The following IMMP2L variants were observed in gnomAD, a reference collection of about 807,000 sequenced individuals.
IMMP2L encodes mitochondrial inner membrane protease subunit 2.
A neutral mutation model predicts 19.3 loss-of-function variants in IMMP2L; 18 were observed. That is an observed-to-expected ratio of 0.93 (90% CI 0.64 to 1.38). The LOEUF is 1.38. Ranked by LOEUF, IMMP2L falls within the 40% of genes most tolerant of loss-of-function variation. The pLI is 0.00. For missense variants in IMMP2L, 233 were observed against 218.2 expected, an observed-to-expected ratio of 1.07 and a Z score of -0.43; for synonymous variants, 76 against 73.0, an observed-to-expected ratio of 1.04 and a Z score of -0.21.
chr7:110,864,310 A>C, intron 5 of IMMP2L, among the ~76,000 whole-genome samples: 1 of 152,092 alleles, frequency 6.6e-6, no homozygotes, highest in East Asian at 1.9e-4. Context: ...AAATGGGTTC[A>C]ATGAGATGAC....
chr7:110,860,056 T>A (rs1216724259), intron 5 of IMMP2L, among the ~76,000 whole-genome samples: 1 of 152,092 alleles, frequency 6.6e-6, no homozygotes, highest in African/African-American at 2.4e-5. Flanking sequence ...GCTGTTGTTA[T>A]AATCAAAGCT....
chr7:111,266,681 C>A (rs1817874289), intron 3 of IMMP2L, among the ~76,000 whole-genome samples: 1 of 152,014 alleles, frequency 6.6e-6, no homozygotes, highest in African/African-American at 2.4e-5. Flanking sequence ...AACTTACATA[C>A]ACCCACTGTA....
intron 3 of IMMP2L, among the ~76,000 whole-genome samples, chr7:111,353,773 TTAATA>T (rs1375092833): frequency 6.6e-6 from 1 of 152,072 alleles, no homozygotes; most frequent in Non-Finnish European, 1.5e-5. Flanking sequence ...AATATACAAC[TTAATA>T]TATCAAAAGA....
chr7:111,016,825 A>ATATATAATATATATAT (rs1825694781), intron 3 of IMMP2L, among the ~76,000 whole-genome samples: 5 of 62,186 alleles, frequency 8.0e-5, no homozygotes, highest in South Asian at 8.1e-4. Context: ...ATTATATATA[A>ATATATAATATATATAT]TATATAGTAT....
intron 3 of IMMP2L, chr7:111,124,934 A>C (rs780539234): frequency 7.0e-5 from 80 of 1,136,742 alleles, no homozygotes; most frequent in Non-Finnish European, 9.2e-5. Context: ...AAAATGAACA[A>C]AAAAAAAAAA....
At chr7:111,371,331 G>C (rs759173715) in intron 3 of IMMP2L, among the ~76,000 whole-genome samples, 1 of 151,876 alleles carries the variant, frequency 6.6e-6, no homozygotes, top group East Asian at 1.9e-4. Flanking sequence ...GCATACTTTT[G>C]CATCTTTCTA....
At chr7:110,862,771 A>G (rs1364457900) in intron 5 of IMMP2L, among the ~76,000 whole-genome samples, 1 of 152,064 alleles carries the variant, frequency 6.6e-6, no homozygotes, top group East Asian at 1.9e-4. Context: ...ATATTACTTT[A>G]TTTTAGACTT....
intron 5 of IMMP2L, among the ~76,000 whole-genome samples, chr7:110,714,331 T>G (rs1795098432): frequency 6.6e-6 from 1 of 152,198 alleles, no homozygotes; most frequent in Admixed American, 6.5e-5. Flanking sequence ...TTTGCTAGTA[T>G]TTTGTTGAGG....
chr7:111,017,469 T>C (rs1024783289), intron 3 of IMMP2L, among the ~76,000 whole-genome samples: 4 of 152,142 alleles, frequency 2.6e-5, no homozygotes, highest in Non-Finnish European at 5.9e-5. Flanking sequence ...GGGTAATGTA[T>C]ACTGTACCAC....
intron 3 of IMMP2L, among the ~76,000 whole-genome samples, chr7:111,119,433 G>A (rs749365949): frequency 1.3e-5 from 2 of 152,084 alleles, no homozygotes; most frequent in African/African-American, 4.8e-5. Context: ...CCAGTAATTG[G>A]CATGTAGAAA....
At chr7:111,285,025 T>C (rs1257111653) in intron 3 of IMMP2L, among the ~76,000 whole-genome samples, 2 of 152,078 alleles carry the variant, frequency 1.3e-5, no homozygotes, top group South Asian at 2.1e-4. Flanking sequence ...GGAGTGACTG[T>C]GCTGAGGGTA....
intron 3 of IMMP2L, among the ~76,000 whole-genome samples, chr7:111,273,057 C>T (rs1269656712): frequency 6.6e-6 from 1 of 152,008 alleles, no homozygotes; most frequent in Non-Finnish European, 1.5e-5. Flanking sequence ...GCGGGCAAAC[C>T]ACTTGAGGTC....
intron 4 of IMMP2L, among the ~76,000 whole-genome samples, chr7:110,952,546 G>T (rs953935735): frequency 6.6e-6 from 1 of 152,108 alleles, no homozygotes; most frequent in Non-Finnish European, 1.5e-5. Context: ...GAGGTTCATG[G>T]TAGAACTAAG....
chr7:111,063,172 G>A (rs1794178335), intron 3 of IMMP2L, among the ~76,000 whole-genome samples: 1 of 152,180 alleles, frequency 6.6e-6, no homozygotes, highest in Non-Finnish European at 1.5e-5. Context: ...CTAAGCAGAG[G>A]TTGCCAAACC....
chr7:110,795,893 G>A (rs6466362), intron 5 of IMMP2L, among the ~76,000 whole-genome samples: 125,889 of 152,008 alleles, frequency 0.83, 53,007 homozygotes, highest in East Asian at 0.9. Context: ...ACAGAGATAG[G>A]TGGTGATATG....
intron 4 of IMMP2L, among the ~76,000 whole-genome samples, chr7:110,961,237 T>A (rs1375232882): frequency 6.6e-6 from 1 of 151,324 alleles, no homozygotes; most frequent in East Asian, 1.9e-4. Flanking sequence ...GATACCAAAA[T>A]CCCCCCACAG....
chr7:110,990,599 T>C (rs1351167697), intron 3 of IMMP2L, among the ~76,000 whole-genome samples: 1 of 152,192 alleles, frequency 6.6e-6, no homozygotes, highest in Non-Finnish European at 1.5e-5. Context: ...CTGGTTTTGA[T>C]TTTTGCCTCA....
intron 3 of IMMP2L, among the ~76,000 whole-genome samples, chr7:111,134,918 C>T (rs17531162): frequency 0.042 from 6,348 of 152,104 alleles, 200 homozygotes; most frequent in South Asian, 0.078. Context: ...TTCCATTTCA[C>T]TATGGTATCA....
chr7:111,315,475 A>T (rs1293441621), intron 3 of IMMP2L, among the ~76,000 whole-genome samples: 3 of 152,022 alleles, frequency 2.0e-5, no homozygotes, highest in African/African-American at 7.2e-5. Flanking sequence ...AACGACATGG[A>T]TTTCTAAAAA....
Sources: allele counts gnomAD v4.1 joint callset (sites outside exome capture counted in the v4.1 genomes callset), GRCh38; gene constraint gnomAD v4.1.1; transcripts MANE v1.5; gene names NCBI Gene and HGNC (gene_info 2026-07-23, HGNC 2026-07-21).